The following NTM variants were observed in gnomAD, a reference collection of about 807,000 sequenced individuals.
NTM encodes neurotrimin.
In NTM, 13 loss-of-function variants were observed where a neutral mutation model predicts 42.1. The ratio of observed to expected loss-of-function variants is 0.31; its 90% CI spans 0.20 to 0.49. NTM has a LOEUF of 0.49. Ranked by LOEUF, NTM falls within the 20% of genes least tolerant of loss-of-function variation. The probability of loss-of-function intolerance (pLI) is 0.99; values close to 1 mark genes in which losing one functional copy is unlikely to be tolerated. For synonymous variants in NTM, 187 were observed against 179.2 expected, an observed-to-expected ratio of 1.04 and a Z score of -0.35; for missense variants, 373 against 452.8, an observed-to-expected ratio of 0.82 and a Z score of 1.60.
chr11:131,806,598 T>C (rs1287708094), intron 1 of NTM, among the ~76,000 whole-genome samples: 13 of 152,246 alleles, frequency 8.5e-5, no homozygotes, highest in Admixed American at 7.9e-4. Flanking sequence ...TTAGATGGGG[T>C]AATGAGGCCC....
chr11:132,085,232 G>A (rs2059557176), intron 2 of NTM, among the ~76,000 whole-genome samples: 1 of 152,088 alleles, frequency 6.6e-6, no homozygotes, highest in Admixed American at 6.5e-5. Context: ...TATACACCTT[G>A]CATGTAAATG....
chr11:132,276,203 C>T (rs763107272), intron 4 of NTM, among the ~76,000 whole-genome samples: 2 of 152,012 alleles, frequency 1.3e-5, no homozygotes, highest in Non-Finnish European at 2.9e-5. Flanking sequence ...GAATAGTATT[C>T]CATTGTGTAT....
At chr11:132,036,168 G>T (rs899616351) in intron 2 of NTM, among the ~76,000 whole-genome samples, 4 of 152,102 alleles carry the variant, frequency 2.6e-5, no homozygotes, top group Non-Finnish European at 5.9e-5. Context: ...CGTGTTAAAT[G>T]GTGTACTAGG....
At chr11:131,682,742 G>T (rs936220207) in intron 1 of NTM, among the ~76,000 whole-genome samples, 1 of 152,122 alleles carries the variant, frequency 6.6e-6, no homozygotes, top group Non-Finnish European at 1.5e-5. Flanking sequence ...CATCCATTCA[G>T]TTCTGACAGC....
chr11:131,450,547 G>A (rs953577344), intron 1 of NTM, among the ~76,000 whole-genome samples: 1 of 152,118 alleles, frequency 6.6e-6, no homozygotes, highest in South Asian at 2.1e-4. Flanking sequence ...TGGGCTGCTT[G>A]GCCAACCATG....
In NTM at chr11:131,513,073, C is replaced by T. The variant is rs1023674921; in HGVS notation, c.82+142185C>T. 5.3e-5 allele frequency among the ~76,000 whole-genome samples: 8 copies of T among 152,326 alleles called. No individual in the cohort carries two copies. In the South Asian group the frequency reaches 1.5e-3, roughly 28 times the overall value. On this transcript the variant is annotated intron_variant, in intron 1 of 8. Coordinates refer to ENST00000683400, the MANE Select transcript of NTM (RefSeq NM_001352005.2). ...TGGATCATTTCAGCCTGTGACACTGCATCCTCCTCACATTCTCCAGGAAGG... is the reference window on the plus strand; with the variant it reads ...TGGATCATTTCAGCCTGTGACACTGTATCCTCCTCACATTCTCCAGGAAGG...
At chr11:132,189,358 G>A (rs2078935293) in intron 3 of NTM, among the ~76,000 whole-genome samples, 2 of 152,138 alleles carry the variant, frequency 1.3e-5, no homozygotes, top group South Asian at 4.2e-4. Flanking sequence ...GCTCAGGGGA[G>A]GAGTATTAAA....
At chr11:132,099,811 C>T (rs909822445) in intron 2 of NTM, among the ~76,000 whole-genome samples, 4 of 152,270 alleles carry the variant, frequency 2.6e-5, no homozygotes, top group African/African-American at 9.6e-5. Flanking sequence ...ACATAAAAAG[C>T]ATTGTAACAA....
chr11:132,311,014 G>T (rs994194427), intron 6 of NTM, among the ~76,000 whole-genome samples: 5 of 152,186 alleles, frequency 3.3e-5, no homozygotes, highest in Non-Finnish European at 7.3e-5. Context: ...TGGTATAGGG[G>T]ATGCTAGAGA....
intron 1 of NTM, among the ~76,000 whole-genome samples, chr11:131,467,945 G>T (rs1952053197): frequency 6.6e-6 from 1 of 152,160 alleles, no homozygotes; most frequent in African/African-American, 2.4e-5. Flanking sequence ...CTGTCTATGG[G>T]ATTCTGTATT....
At chr11:131,461,452 A>G (rs1347258271) in intron 1 of NTM, among the ~76,000 whole-genome samples, 2 of 152,226 alleles carry the variant, frequency 1.3e-5, no homozygotes, top group African/African-American at 4.8e-5. Context: ...TGGAAATGAC[A>G]TTAAGAGATG....
intron 1 of NTM, among the ~76,000 whole-genome samples, chr11:131,388,947 G>A (rs187116925): frequency 1.3e-4 from 20 of 148,400 alleles, no homozygotes; most frequent in African/African-American, 5.0e-4. Context: ...GGCAGGCAGA[G>A]GTTGCAGTGA....
intron 7 of NTM, among the ~76,000 whole-genome samples, chr11:132,328,214 G>C (rs2095724407): frequency 6.6e-6 from 1 of 152,150 alleles, no homozygotes; most frequent in Admixed American, 6.5e-5. Context: ...TGGGTTTAGA[G>C]TATATACGAA....
intron 1 of NTM, among the ~76,000 whole-genome samples, chr11:131,464,513 CCT>C (rs1951712278): frequency 1.3e-5 from 2 of 152,124 alleles, no homozygotes; most frequent in Admixed American, 6.5e-5. Flanking sequence ...GGATTCCCAC[CCT>C]CTCTGTTTCC....
At chr11:131,417,527 G>C (rs1218984878) in intron 1 of NTM, among the ~76,000 whole-genome samples, 1 of 152,172 alleles carries the variant, frequency 6.6e-6, no homozygotes, top group Non-Finnish European at 1.5e-5. Context: ...TTCTGACCTG[G>C]AGTTTGGGTT....
At chr11:132,038,361 G>C (rs1293410431) in intron 2 of NTM, among the ~76,000 whole-genome samples, 1 of 152,222 alleles carries the variant, frequency 6.6e-6, no homozygotes, top group East Asian at 1.9e-4. Context: ...TCTTAATGCA[G>C]AGAAGTTCAC....
intron 1 of NTM, among the ~76,000 whole-genome samples, chr11:131,691,389 GC>G (rs1169928389): frequency 6.6e-6 from 1 of 152,148 alleles, no homozygotes; most frequent in Admixed American, 6.5e-5. Flanking sequence ...CTCCTTTTCC[GC>G]CCCGTGCGCC....
At chr11:132,185,813 G>T (rs1349620759) in intron 3 of NTM, among the ~76,000 whole-genome samples, 15 of 152,192 alleles carry the variant, frequency 9.9e-5, no homozygotes, top group Non-Finnish European at 2.1e-4. Context: ...GAAGGGGGCT[G>T]CAGGGCTGGG....
intron 1 of NTM, among the ~76,000 whole-genome samples, chr11:131,395,560 G>A (rs1233730194): frequency 6.6e-6 from 1 of 152,078 alleles, no homozygotes; most frequent in Non-Finnish European, 1.5e-5. Context: ...TATAATTAAT[G>A]CTCAGAAACC....
Sources: gnomAD v4.1 joint callset for allele counts (sites outside exome capture counted in the v4.1 genomes callset) on GRCh38, gnomAD v4.1.1 for gene constraint, MANE v1.5 for transcripts, NCBI Gene and HGNC (gene_info 2026-07-23, HGNC 2026-07-21) for gene names.